ST6GAL1: variants seen among roughly 807,000 people sequenced by gnomAD.
The protein encoded by ST6GAL1 is beta-galactoside alpha-2,6-sialyltransferase 1.
Under a neutral mutation model 38.0 loss-of-function variants are expected in ST6GAL1, and 20 were observed. That is an observed-to-expected ratio of 0.53 (90% confidence interval 0.37 to 0.77). The LOEUF is 0.77. Among genes scored for constraint, ST6GAL1 ranks in the 30% least tolerant of loss-of-function variants. The pLI is 0.00. For synonymous variants in ST6GAL1, 196 were observed against 188.2 expected (o/e 1.04, Z -0.34); for missense variants, 432 against 496.4 (o/e 0.87, Z 1.23).
chr3:187,005,337 G>A (rs1716750485), intron 2 of ST6GAL1, among the ~76,000 whole-genome samples: 2 of 147,690 alleles, frequency 1.4e-5, no homozygotes, highest in Non-Finnish European at 3.0e-5. Flanking sequence ...GTGCAGTGGC[G>A]CGATCTCGGC....
At chr3:187,020,186 A>G (rs1426004760) in intron 2 of ST6GAL1, among the ~76,000 whole-genome samples, 1 of 152,114 alleles carries the variant, frequency 6.6e-6, no homozygotes, top group East Asian at 1.9e-4. Flanking sequence ...AATCCCAGCT[A>G]CTCGGGAGGC....
chr3:187,053,156 T>C lies in ST6GAL1; in HGVS notation c.705+1810T>C, dbSNP rs1337208120. Among the ~76,000 whole-genome samples, 6 of 152,242 alleles carry C rather than the reference T, an allele frequency of 3.9e-5. 1 individual carries two copies. Among genetic ancestry groups the C allele is most frequent in the Admixed American group, 3.3e-4 (5 of 15,282 alleles). ...TTTTTGATGGGGTTGTTTGTTTTTTTCTTGTAAATTTGTTTACATTCTTTG... is the reference window on the plus strand; with the variant it reads ...TTTTTGATGGGGTTGTTTGTTTTTTCCTTGTAAATTTGTTTACATTCTTTG... On this transcript the variant is annotated intron_variant, in intron 5 of 7. Coordinates refer to ENST00000169298, the MANE Select transcript of ST6GAL1 (RefSeq NM_173216.2).
At chr3:186,936,611 T>C (rs186466229) in intron 1 of ST6GAL1, among the ~76,000 whole-genome samples, 2 of 152,310 alleles carry the variant, frequency 1.3e-5, no homozygotes, top group East Asian at 3.9e-4. Context: ...TCAGAATCAA[T>C]GTAGTGATTT....
At chr3:187,042,570 C>T in intron 3 of ST6GAL1, 84 bp from the exon 4 acceptor site, 1 of 1,292,240 alleles carries the variant, frequency 7.7e-7, no homozygotes, top group Non-Finnish European at 1.1e-6. Context: ...CATTTCAAAT[C>T]TATTGCTCAG....
intron 1 of ST6GAL1, among the ~76,000 whole-genome samples, chr3:186,958,711 G>T (rs1388859155): frequency 6.6e-6 from 1 of 152,112 alleles, no homozygotes; most frequent in South Asian, 2.1e-4. Flanking sequence ...CACTAATTTG[G>T]GAGGCCAAGG....
intron 2 of ST6GAL1, among the ~76,000 whole-genome samples, chr3:187,016,294 G>T (rs1367050575): frequency 5.3e-5 from 8 of 152,154 alleles, no homozygotes; most frequent in Non-Finnish European, 1.0e-4. Context: ...CCTGTGCTTG[G>T]CAGTGCTAAA....
rs559847490 is a variant in ST6GAL1, at chr3:187,048,208, G to T, written c.608-3041G>T. 2.6e-5 allele frequency among the ~76,000 whole-genome samples: 4 copies of T among 152,292 alleles called. 1 individual carries two copies. The East Asian group carries it at 7.7e-4, about 29-fold the overall frequency. On this transcript the variant is annotated intron_variant, in intron 4 of 7. Transcript: ENST00000169298. ...TCTGCCCACCTTGGCCTCCCAAAGT[G>T]CTGGGATTACAGGTGTGAGCCACCG...
At chr3:187,044,091 G>T (rs1718217534) in intron 4 of ST6GAL1, among the ~76,000 whole-genome samples, 1 of 152,162 alleles carries the variant, frequency 6.6e-6, no homozygotes. Flanking sequence ...TTCTCTAAGG[G>T]ATCTGTGACC....
At chr3:186,944,564 A>G (rs1244312085) in intron 1 of ST6GAL1, among the ~76,000 whole-genome samples, 1 of 152,208 alleles carries the variant, frequency 6.6e-6, no homozygotes, top group East Asian at 1.9e-4. Flanking sequence ...CTACTCAATG[A>G]AATAAAAAAG....
chr3:187,053,753 T>C, intron 5 of ST6GAL1, among the ~76,000 whole-genome samples: 1 of 150,338 alleles, frequency 6.7e-6, no homozygotes, highest in Non-Finnish European at 1.5e-5. Flanking sequence ...GCTTTGTTCT[T>C]TTGGATTAGG....
At chr3:186,971,119 A>G (rs1306559033) in intron 2 of ST6GAL1, among the ~76,000 whole-genome samples, 2 of 151,782 alleles carry the variant, frequency 1.3e-5, no homozygotes, top group African/African-American at 4.8e-5. Context: ...ACGGAGTTTC[A>G]CTCTTGTCAC....
At chr3:187,059,751 A>G (rs1042564676) in intron 5 of ST6GAL1, among the ~76,000 whole-genome samples, 2 of 152,220 alleles carry the variant, frequency 1.3e-5, no homozygotes, top group Non-Finnish European at 2.9e-5. Context: ...TGCACTTACT[A>G]TTGATATTTG....
chr3:187,039,513 T>G (rs1718056399), intron 3 of ST6GAL1, among the ~76,000 whole-genome samples: 1 of 152,078 alleles, frequency 6.6e-6, no homozygotes, highest in Non-Finnish European at 1.5e-5. Context: ...GGAGGTGGCC[T>G]CCACTGACCT....
rs138388259 is a variant in ST6GAL1, at chr3:186,971,342, C to T, written c.-183+7416C>T. Among the ~76,000 whole-genome samples, 170 of 152,318 alleles carry T rather than the reference C, an allele frequency of 1.1e-3. 1 individual carries two copies. The highest frequency in any genetic ancestry group is 3.8e-3 in the African/African-American group (157 of 41,546). On this transcript the variant is annotated intron_variant, in intron 2 of 7. Transcript: ENST00000169298. ...CGAACTCCTGATCTCAGGTGATCCA[C>T]GTGCCTCGGCCTCCTGAAGTGCTGG...
chr3:186,994,648 T>C (rs1262720281), intron 2 of ST6GAL1, among the ~76,000 whole-genome samples: 2 of 152,196 alleles, frequency 1.3e-5, no homozygotes, highest in Non-Finnish European at 2.9e-5. Flanking sequence ...GTATGTATAT[T>C]TAAAAGATAG....
chr3:187,017,237 A>G (rs540536394), intron 2 of ST6GAL1, among the ~76,000 whole-genome samples: 1 of 152,264 alleles, frequency 6.6e-6, no homozygotes, highest in East Asian at 1.9e-4. Flanking sequence ...TTCCCTTCCC[A>G]GGAAAGGCCT....
intron 1 of ST6GAL1, among the ~76,000 whole-genome samples, chr3:186,936,115 G>T (rs1306764398): frequency 1.3e-5 from 2 of 152,140 alleles, no homozygotes; most frequent in Non-Finnish European, 2.9e-5. Flanking sequence ...CTCTCCCTTA[G>T]AAATTGCCCT....
chr3:187,002,051 G>C (rs962572629), intron 2 of ST6GAL1, among the ~76,000 whole-genome samples: 1 of 149,798 alleles, frequency 6.7e-6, no homozygotes, highest in Admixed American at 6.6e-5. Context: ...GCCTTATATT[G>C]GTGTTGTAAT....
chr3:186,990,144 C>T (rs1350298329), intron 2 of ST6GAL1, among the ~76,000 whole-genome samples: 1 of 152,268 alleles, frequency 6.6e-6, no homozygotes, highest in East Asian at 1.9e-4. Context: ...AGCGATTCTC[C>T]TGCCTTGGCC....
Sources: gnomAD v4.1 joint callset for allele counts (sites outside exome capture counted in the v4.1 genomes callset) on GRCh38, gnomAD v4.1.1 for gene constraint, MANE v1.5 for transcripts, NCBI Gene and HGNC (gene_info 2026-07-23, HGNC 2026-07-21) for gene names.